RORA: variants seen among roughly 807,000 people sequenced by gnomAD.
The protein encoded by RORA is nuclear receptor ROR-alpha.
A neutral mutation model predicts 69.5 loss-of-function variants in RORA; 7 were observed. That is an observed-to-expected ratio of 0.10 (90% confidence interval 0.06 to 0.19). The LOEUF is 0.19. RORA is among the 10% of genes least tolerant of loss of function. The pLI, the probability that RORA is intolerant of heterozygous loss-of-function variation, is 1.00. For synonymous variants in RORA, 261 were observed against 240.8 expected (o/e 1.08, Z -0.78); for missense variants, 457 against 663.0 (o/e 0.69, Z 3.41).
chr15:60,974,908 G>C (rs1893833247), intron 1 of RORA, among the ~76,000 whole-genome samples: 1 of 152,230 alleles, frequency 6.6e-6, no homozygotes, highest in Non-Finnish European at 1.5e-5. Context: ...GTTGAAAAGA[G>C]GATGGGGAAA....
intron 1 of RORA, among the ~76,000 whole-genome samples, chr15:60,699,108 C>T (rs1280685231): frequency 6.6e-6 from 1 of 152,046 alleles, no homozygotes; most frequent in African/African-American, 2.4e-5. Flanking sequence ...TATTGATAAT[C>T]ATAGCCCTTT....
chr15:60,969,135 T>C (rs1401053880), intron 1 of RORA, among the ~76,000 whole-genome samples: 1 of 152,216 alleles, frequency 6.6e-6, no homozygotes, highest in Non-Finnish European at 1.5e-5. Flanking sequence ...GTGTGTCCCA[T>C]TACTAATGAT....
chr15:61,176,187 C>T, intron 1 of RORA: 1 of 152,226 alleles, frequency 6.6e-6, no homozygotes, highest in East Asian at 1.9e-4. Context: ...TGCTGCCCCA[C>T]ACACCACAGT....
chr15:60,693,529 C>G (rs1201253755), intron 1 of RORA, among the ~76,000 whole-genome samples: 1 of 152,084 alleles, frequency 6.6e-6, no homozygotes, highest in Admixed American at 6.6e-5. Context: ...ATGACATGAT[C>G]CTATATCTAG....
chr15:61,065,711 G>A (rs2078248226), intron 1 of RORA, among the ~76,000 whole-genome samples: 1 of 152,124 alleles, frequency 6.6e-6, no homozygotes, highest in Non-Finnish European at 1.5e-5. Flanking sequence ...AAAGAATCCA[G>A]TATAAAGCTC....
chr15:60,691,210 T>C (rs1415814031), intron 1 of RORA, among the ~76,000 whole-genome samples: 1 of 152,204 alleles, frequency 6.6e-6, no homozygotes, highest in East Asian at 1.9e-4. Flanking sequence ...TCTCATCTCC[T>C]GCTAGAATGC....
At chr15:60,677,250 A>T (rs1325417701) in intron 2 of RORA, 8 of 454,312 alleles carry the variant, frequency 1.8e-5, no homozygotes, top group Non-Finnish European at 3.5e-5. Context: ...TATACAGAGG[A>T]CTTCAGTCTC....
chr15:60,669,468 A>C (rs935491958), intron 2 of RORA, among the ~76,000 whole-genome samples: 1 of 152,144 alleles, frequency 6.6e-6, no homozygotes, highest in African/African-American at 2.4e-5. Context: ...TGGAGCAGGG[A>C]ACATCTGATT....
intron 1 of RORA, among the ~76,000 whole-genome samples, chr15:60,733,077 C>T (rs2071450156): frequency 1.3e-5 from 2 of 152,196 alleles, no homozygotes; most frequent in South Asian, 2.1e-4. Context: ...TAGCTTGCTC[C>T]TCTGGAGGAA....
intron 1 of RORA, among the ~76,000 whole-genome samples, chr15:61,030,531 T>C (rs749562842): frequency 6.6e-6 from 1 of 152,208 alleles, no homozygotes; most frequent in Non-Finnish European, 1.5e-5. Flanking sequence ...GAATAATCCA[T>C]GGTGCACAGG....
intron 1 of RORA, among the ~76,000 whole-genome samples, chr15:60,834,106 G>T (rs1006520979): frequency 3.9e-5 from 6 of 152,006 alleles, no homozygotes; most frequent in African/African-American, 1.4e-4. Context: ...AATGGATGAG[G>T]AAAAAAGGTA....
intron 1 of RORA, among the ~76,000 whole-genome samples, chr15:60,682,720 G>T (rs149454333): frequency 1.3e-5 from 2 of 152,292 alleles, no homozygotes; most frequent in East Asian, 3.9e-4. Flanking sequence ...CCCCACTACC[G>T]AAGGGCATCG....
chr15:60,504,547 A>G (rs1413010828), intron 6 of RORA, among the ~76,000 whole-genome samples: 1 of 152,138 alleles, frequency 6.6e-6, no homozygotes, highest in Non-Finnish European at 1.5e-5. Flanking sequence ...GACTGTCTCA[A>G]AACAAAACAA....
intron 1 of RORA, among the ~76,000 whole-genome samples, chr15:60,919,198 A>G (rs1484932026): frequency 6.6e-6 from 1 of 152,058 alleles, no homozygotes; most frequent in Non-Finnish European, 1.5e-5. Context: ...TGCTCTTGCT[A>G]TTGATTCTCA....
intron 1 of RORA, among the ~76,000 whole-genome samples, chr15:60,856,493 T>G (rs901027819): frequency 1.8e-4 from 27 of 147,138 alleles, no homozygotes; most frequent in Non-Finnish European, 4.0e-4. Flanking sequence ...CACTGACCTT[T>G]TTTTTTTTTT....
intron 1 of RORA, among the ~76,000 whole-genome samples, chr15:61,199,879 G>T (rs546609924): frequency 1.3e-5 from 2 of 152,182 alleles, no homozygotes; most frequent in Non-Finnish European, 2.9e-5. Context: ...AACACAGAAC[G>T]AGCTGTGCCG....
chr15:60,849,965 A>G (rs1448125429), intron 1 of RORA, among the ~76,000 whole-genome samples: 1 of 152,186 alleles, frequency 6.6e-6, no homozygotes, highest in East Asian at 1.9e-4. Context: ...AACAGAAATG[A>G]GCAACTAATG....
At chr15:61,174,514 G>C (rs2079611474) in intron 1 of RORA, among the ~76,000 whole-genome samples, 1 of 152,200 alleles carries the variant, frequency 6.6e-6, no homozygotes, top group South Asian at 2.1e-4. Context: ...AGAGGGGCGG[G>C]AAATGTGATC....
At chr15:61,004,679 C>A (rs1429062155) in intron 1 of RORA, among the ~76,000 whole-genome samples, 1 of 152,106 alleles carries the variant, frequency 6.6e-6, no homozygotes. Flanking sequence ...ATGCCTCCTG[C>A]AGAAAACAGA....
Sources: allele counts gnomAD v4.1 joint callset (sites outside exome capture counted in the v4.1 genomes callset), GRCh38; gene constraint gnomAD v4.1.1; transcripts MANE v1.5; gene names NCBI Gene and HGNC (gene_info 2026-07-23, HGNC 2026-07-21).